Variants in SOX5 observed in about 807,000 individuals in gnomAD.
SOX5 encodes transcription factor SOX-5.
SOX5 carries 9 observed loss-of-function variants against 92.0 expected under a neutral mutation model. The ratio of observed to expected loss-of-function variants is 0.10; its 90% CI spans 0.06 to 0.17. The LOEUF (loss-of-function observed/expected upper bound fraction) is 0.17. Among genes scored for constraint, SOX5 ranks in the 10% least tolerant of loss-of-function variants. The pLI, the probability that SOX5 is intolerant of heterozygous loss-of-function variation, is 1.00. For missense variants in SOX5, 642 were observed against 944.5 expected (o/e 0.68, Z 4.20); for synonymous variants, 344 against 336.3 (o/e 1.02, Z -0.25).
At chr12:24,104,599 A>T (rs538336944) in intron 4 of SOX5, among the ~76,000 whole-genome samples, 1 of 152,330 alleles carries the variant, frequency 6.6e-6, no homozygotes, top group South Asian at 2.1e-4. Flanking sequence ...ACTACAAACA[A>T]TGATTAACTC....
intron 2 of SOX5, among the ~76,000 whole-genome samples, chr12:23,892,985 C>T (rs532474923): frequency 2.0e-5 from 3 of 152,106 alleles, no homozygotes; most frequent in African/African-American, 4.8e-5. Context: ...TTACAGCCTG[C>T]GTAAACCTGT....
intron 1 of SOX5, among the ~76,000 whole-genome samples, chr12:24,469,354 C>T (rs1017349273): frequency 6.6e-5 from 10 of 152,264 alleles, no homozygotes; most frequent in African/African-American, 2.2e-4. Context: ...GGACCAGTAC[C>T]GGGTGTTGGG....
intron 1 of SOX5, among the ~76,000 whole-genome samples, chr12:24,483,413 C>T (rs944803242): frequency 3.3e-5 from 5 of 152,170 alleles, no homozygotes; most frequent in African/African-American, 1.2e-4. Flanking sequence ...ATTCTCTTTC[C>T]CTTTAATTCA....
intron 7 of SOX5, 47 bp from the exon 8 acceptor site, chr12:23,640,944 C>T (rs768289093): frequency 3.1e-6 from 4 of 1,273,656 alleles, no homozygotes; most frequent in East Asian, 4.7e-5. Flanking sequence ...ATCTACTCTC[C>T]ACCTGCAAAT....
At chr12:23,871,521 G>A (rs570021902) in intron 2 of SOX5, among the ~76,000 whole-genome samples, 8 of 152,186 alleles carry the variant, frequency 5.3e-5, no homozygotes, top group Non-Finnish European at 7.4e-5. Flanking sequence ...ACTGGTAGGA[G>A]CTACATATAA....
At chr12:24,182,102 AT>A (rs1955556542) in intron 4 of SOX5, among the ~76,000 whole-genome samples, 1 of 152,194 alleles carries the variant, frequency 6.6e-6, no homozygotes, top group African/African-American at 2.4e-5. Context: ...GGTCCCCCAA[AT>A]TTTTAGAGAT....
At chr12:24,503,690 C>A (rs1213645730) in intron 1 of SOX5, among the ~76,000 whole-genome samples, 2 of 152,100 alleles carry the variant, frequency 1.3e-5, no homozygotes, top group East Asian at 3.8e-4. Context: ...ATGAATGAAG[C>A]TGGAAACCAT....
upstream of SOX5, chr12:23,950,838 G>A: frequency 6.5e-7 from 1 of 1,532,174 alleles, no homozygotes. Flanking sequence ...AAATGACAGA[G>A]GCACATACAC....
intron 8 of SOX5, among the ~76,000 whole-genome samples, chr12:23,628,605 T>C (rs890705213): frequency 1.3e-5 from 2 of 152,054 alleles, no homozygotes; most frequent in African/African-American, 4.8e-5. Flanking sequence ...TTCTCCTTGT[T>C]CACTTTCTTC....
chr12:24,374,516 T>TAC (rs148748308), intron 1 of SOX5, among the ~76,000 whole-genome samples: 15,653 of 146,428 alleles, frequency 0.11, 1,123 homozygotes, highest in African/African-American at 0.21. Flanking sequence ...CACACACACA[T>TAC]ACACACACAC....
chr12:24,557,979 T>A (rs148518982), intron 1 of SOX5, among the ~76,000 whole-genome samples: 2 of 152,306 alleles, frequency 1.3e-5, no homozygotes, highest in African/African-American at 4.8e-5. Flanking sequence ...TAATTGCAAG[T>A]AAAATCATTA....
intron 2 of SOX5, among the ~76,000 whole-genome samples, chr12:23,878,117 T>C (rs778114764): frequency 1.9e-4 from 29 of 152,050 alleles, no homozygotes; most frequent in Admixed American, 4.6e-4. Context: ...GCATATACTC[T>C]TCACGCTGTT....
chr12:24,275,560 G>C (rs1944338952), intron 3 of SOX5, among the ~76,000 whole-genome samples: 1 of 151,984 alleles, frequency 6.6e-6, no homozygotes, highest in Non-Finnish European at 1.5e-5. Context: ...TCATATAAAT[G>C]TATTCAAATT....
At chr12:23,946,268 C>T (rs1264049368) in intron 1 of SOX5, among the ~76,000 whole-genome samples, 1 of 152,070 alleles carries the variant, frequency 6.6e-6, no homozygotes, top group Admixed American at 6.6e-5. Context: ...TACTTTCAAT[C>T]CCAACTTTTT....
intron 5 of SOX5, among the ~76,000 whole-genome samples, chr12:23,737,157 C>A (rs188142646): frequency 6.6e-6 from 1 of 152,152 alleles, no homozygotes; most frequent in African/African-American, 2.4e-5. Flanking sequence ...CCACTTCAAC[C>A]TCCCACGTAC....
chr12:23,850,458 A>T (rs4277201), intron 2 of SOX5, among the ~76,000 whole-genome samples: 94,175 of 143,398 alleles, frequency 0.66, 30,979 homozygotes, highest in East Asian at 0.86. Context: ...AAATAAAAAA[A>T]AAATAAATAA....
At chr12:23,988,774 G>T (rs1177972527) in intron 4 of SOX5, among the ~76,000 whole-genome samples, 1 of 152,170 alleles carries the variant, frequency 6.6e-6, no homozygotes, top group Non-Finnish European at 1.5e-5. Flanking sequence ...ATTAAGTGAA[G>T]TTAGAGGGAC....
intron 4 of SOX5, among the ~76,000 whole-genome samples, chr12:23,997,563 G>T (rs1300574014): frequency 6.6e-6 from 1 of 152,170 alleles, no homozygotes; most frequent in Non-Finnish European, 1.5e-5. Flanking sequence ...GCATAAGATC[G>T]TGGAGAGATT....
chr12:24,253,344 TATTG>T (rs919632304), intron 3 of SOX5, among the ~76,000 whole-genome samples: 7 of 151,962 alleles, frequency 4.6e-5, no homozygotes, highest in Non-Finnish European at 1.0e-4. Flanking sequence ...ATTCAACTTT[TATTG>T]ATTATTGATA....
Sources: allele counts gnomAD v4.1 joint callset (sites outside exome capture counted in the v4.1 genomes callset), GRCh38; gene constraint gnomAD v4.1.1; transcripts MANE v1.5; gene names NCBI Gene and HGNC (gene_info 2026-07-23, HGNC 2026-07-21).